HERC4: variants seen among roughly 807,000 people sequenced by gnomAD.
The protein encoded by HERC4 is HECT and RLD domain containing E3 ubiquitin protein ligase 4, also known as probable E3 ubiquitin-protein ligase HERC4.
In HERC4, 28 loss-of-function variants were observed where a neutral mutation model predicts 124.3. The observed-to-expected ratio is 0.23, with a 90% confidence interval of 0.17 to 0.31. The LOEUF is 0.31. Ranked by LOEUF, HERC4 falls within the 10% of genes least tolerant of loss-of-function variation. The probability of loss-of-function intolerance (pLI) is 1.00; values close to 1 mark genes in which losing one functional copy is unlikely to be tolerated. For synonymous variants in HERC4, 407 were observed against 421.5 expected, an observed-to-expected ratio of 0.97 and a Z score of 0.42; for missense variants, 713 against 1,229.3, an observed-to-expected ratio of 0.58 and a Z score of 6.28.
chr10:68,015,408 T>C (rs765628721), intron 8 of HERC4, among the ~76,000 whole-genome samples: 2 of 152,210 alleles, frequency 1.3e-5, no homozygotes, highest in African/African-American at 2.4e-5. Flanking sequence ...TAAATAATTA[T>C]TTTAGGTCAC....
At chr10:68,068,750 C>T (rs1287955987) in intron 3 of HERC4, 3 of 152,180 alleles carry the variant, frequency 2.0e-5, no homozygotes, top group Middle Eastern at 6.8e-3. Flanking sequence ...ATTCTTTTAC[C>T]TTCTAAATGT....
intron 15 of HERC4, among the ~76,000 whole-genome samples, chr10:67,985,759 T>C (rs575887637): frequency 6.6e-6 from 1 of 152,310 alleles, no homozygotes; most frequent in Middle Eastern, 3.4e-3. Flanking sequence ...GTACCAAAGG[T>C]ATTTTCTTAT....
intron 15 of HERC4, among the ~76,000 whole-genome samples, chr10:67,987,526 G>A (rs940076293): frequency 2.0e-5 from 3 of 152,150 alleles, no homozygotes; most frequent in African/African-American, 7.2e-5. Flanking sequence ...ATCTCATGTA[G>A]TTAGAGAATC....
chr10:68,070,006 C>T, intron 3 of HERC4: 3 of 819,386 alleles, frequency 3.7e-6, no homozygotes, highest in East Asian at 1.2e-4. Context: ...CGTGCCACTG[C>T]ATTCCAGCCT....
intron 22 of HERC4, among the ~76,000 whole-genome samples, 200 bp from the exon 23 acceptor site, chr10:67,932,980 G>A (rs960463965): frequency 3.9e-5 from 6 of 152,166 alleles, no homozygotes; most frequent in African/African-American, 1.4e-4. Flanking sequence ...AAAATCAGCT[G>A]TATCCATGAG....
intron 7 of HERC4, among the ~76,000 whole-genome samples, chr10:68,029,309 G>A (rs1358715503): frequency 6.6e-6 from 1 of 152,128 alleles, no homozygotes; most frequent in Admixed American, 6.6e-5. Context: ...TGGCTAACAT[G>A]GTGAAACCCC....
chr10:67,990,876 C>T (rs372703424), intron 13 of HERC4, 28 bp downstream of exon 13: 1 of 1,411,376 alleles, frequency 7.1e-7, no homozygotes, highest in South Asian at 1.2e-5. Context: ...ACAGATAATA[C>T]TGTAAACATA....
Position 68,059,781 on chromosome 10 carries a change from A to AATATTATATATCATAATATTATATATT in HERC4, c.226+13075_226+13101dup, listed in dbSNP as rs1564609345. The stretch of plus-strand genomic sequence containing the variant: ...TATATATCATAATATTATATATTAT[A>AATATTATATATCATAATATTATATATT]ATATTATATATCATAATATTATATA... On this transcript the variant is annotated intron_variant, in intron 3 of 24. Transcript: ENST00000373700. Among the ~76,000 whole-genome samples the AATATTATATATCATAATATTATATATT allele has an allele frequency of 2.9e-4, 22 of 75,094 alleles. 2 individuals carry two copies. Among genetic ancestry groups the AATATTATATATCATAATATTATATATT allele is most frequent in the Admixed American group, 7.4e-4 (3 of 4,054 alleles). The allele number at this position is 75,094 out of a possible 152,430, so 49.3% of individuals were successfully genotyped here. A position where few individuals can be genotyped will look rare whatever the true frequency, so the allele number is the denominator to read the frequency against.
chr10:67,957,812 AT>A lies in HERC4; in HGVS notation c.1927-837del, dbSNP rs533406466. ...ACAGTTCTTTATAGTCTGAATCTGC[AT>A]TTTTTTTTCCCCCATACAGAGTCTT... is the stretch of plus-strand genomic sequence containing the variant. On this transcript the variant is annotated intron_variant, in intron 16 of 24. Coordinates refer to ENST00000373700, the MANE Select transcript of HERC4 (RefSeq NM_015601.4). Among the ~76,000 whole-genome samples, 299 of 151,398 alleles carry A rather than the reference AT, an allele frequency of 2.0e-3. 1 individual carries two copies. Among genetic ancestry groups the A allele is most frequent in the African/African-American group, 5.2e-3 (216 of 41,300 alleles).
chr10:68,008,511 A>G (rs763270771), intron 9 of HERC4, among the ~76,000 whole-genome samples: 2 of 152,232 alleles, frequency 1.3e-5, no homozygotes, highest in Non-Finnish European at 2.9e-5. Context: ...TTTGGCAGGC[A>G]GGAGAATGGG....
At chr10:67,965,054 G>A (rs1218871923) in intron 16 of HERC4, 1 of 152,366 alleles carries the variant, frequency 6.6e-6, no homozygotes, top group Non-Finnish European at 1.5e-5. Flanking sequence ...TTCCAGGCGT[G>A]AGCCACCACA....
At chr10:68,020,570 C>A (rs573030523) in intron 8 of HERC4, among the ~76,000 whole-genome samples, 1 of 151,734 alleles carries the variant, frequency 6.6e-6, no homozygotes, top group African/African-American at 2.4e-5. Context: ...ATCGAGACCA[C>A]CCCGGCTAAA....
chr10:67,970,191 A>G (rs2132491415), intron 15 of HERC4, among the ~76,000 whole-genome samples: 1 of 152,154 alleles, frequency 6.6e-6, no homozygotes, highest in South Asian at 2.1e-4. Flanking sequence ...TCAAATCCTT[A>G]CACTAATACC....
At chr10:68,059,847 TTA>T (rs1260422051) in intron 3 of HERC4, among the ~76,000 whole-genome samples, 2 of 85,268 alleles carry the variant, frequency 2.3e-5, no homozygotes, top group Non-Finnish European at 3.9e-5. Context: ...TTATAATATA[TTA>T]TATATCATAA....
chr10:67,980,382 G>A (rs1233429243), intron 15 of HERC4, among the ~76,000 whole-genome samples: 6 of 151,930 alleles, frequency 3.9e-5, no homozygotes, highest in South Asian at 2.1e-4. Context: ...ATACACCCGC[G>A]TCAGTCTCCC....
In HERC4 at chr10:68,034,141, C is replaced by T. The variant is rs752615182; in HGVS notation, c.509G>A (p.Gly170Asp). Residue 170 changes from glycine (G) to aspartate (D), a missense_variant, in exon 6 of 25, where the codon GGT (glycine) becomes GAT (aspartate). Coordinates refer to ENST00000373700, the MANE Select transcript of HERC4 (RefSeq NM_015601.4). ...CWGQNKYGQL[G>D]LGTDCKKQTS... ...TTGCTTTTTACAGTCAGTACCTAAA[C>T]CCAATTGGCCATATTTATTCTGTCC... is the stretch of plus-strand genomic sequence containing the variant. The T allele has an allele frequency of 1.2e-6, 2 of 1,613,986 alleles. No homozygotes were observed. Among genetic ancestry groups the T allele is most frequent in the African/African-American group, 1.3e-5 (1 of 74,892 alleles).
intron 9 of HERC4, chr10:67,994,010 A>C (rs2036709051): frequency 6.6e-6 from 1 of 152,206 alleles, no homozygotes; most frequent in Non-Finnish European, 1.5e-5. Flanking sequence ...TTTATTTGTA[A>C]AAGAAATCAG....
intron 22 of HERC4, among the ~76,000 whole-genome samples, chr10:67,934,036 TATTAAAAGGCAACTATTTA>T (rs1370740036): frequency 6.6e-6 from 1 of 152,212 alleles, no homozygotes; most frequent in East Asian, 1.9e-4. Flanking sequence ...AAATTCCCGC[TATTAAAAGGCAACTATTTA>T]ACTCTTTTTG....
chr10:68,033,600 T>C (rs1052909672), intron 6 of HERC4, among the ~76,000 whole-genome samples: 2 of 152,212 alleles, frequency 1.3e-5, no homozygotes, highest in African/African-American at 4.8e-5. Flanking sequence ...ATCATTTAAA[T>C]ATTTCCTTGA....
Sources: gnomAD v4.1 joint callset for allele counts (sites outside exome capture counted in the v4.1 genomes callset) on GRCh38, gnomAD v4.1.1 for gene constraint, MANE v1.5 for transcripts, NCBI Gene and HGNC (gene_info 2026-07-23, HGNC 2026-07-21) for gene names.